EBAG9: variants seen among roughly 807,000 people sequenced by gnomAD.
EBAG9 encodes the protein receptor-binding cancer antigen expressed on SiSo cells.
EBAG9 carries 16 observed loss-of-function variants against 30.9 expected under a neutral mutation model. The observed-to-expected ratio is 0.52, with a 90% CI of 0.35 to 0.79. The LOEUF (loss-of-function observed/expected upper bound fraction) is 0.79, where lower values mean the gene tolerates loss of function less well. Ranked by LOEUF, EBAG9 falls within the 30% of genes least tolerant of loss-of-function variation. EBAG9 has a pLI of 0.01. For missense variants in EBAG9, 197 were observed against 242.1 expected, an observed-to-expected ratio of 0.81 and a Z score of 1.24; for synonymous variants, 93 against 82.8, an observed-to-expected ratio of 1.12 and a Z score of -0.67.
intron 6 of EBAG9, chr8:109,563,577 CTTTTT>C: frequency 4.4e-6 from 6 of 1,349,602 alleles, no homozygotes; most frequent in Non-Finnish European, 5.8e-6. Context: ...ACCTACCACT[CTTTTT>C]TTTTTTTTTT....
chr8:109,541,450 A>G (rs1821274686), intron 1 of EBAG9, among the ~76,000 whole-genome samples: 1 of 152,186 alleles, frequency 6.6e-6, no homozygotes, highest in Non-Finnish European at 1.5e-5. Context: ...AACCTCATCT[A>G]TTAAACGGGA....
At chr8:109,544,139 T>C (rs1223320200) in intron 1 of EBAG9, among the ~76,000 whole-genome samples, 1 of 152,140 alleles carries the variant, frequency 6.6e-6, no homozygotes, top group East Asian at 1.9e-4. Flanking sequence ...CTTATGCTCA[T>C]GTAAGGTAAT....
At chr8:109,547,278 G>T (rs1481411304) in intron 1 of EBAG9, among the ~76,000 whole-genome samples, 1 of 152,144 alleles carries the variant, frequency 6.6e-6, no homozygotes. Flanking sequence ...TTTTCAAAGT[G>T]GTTGTACATT....
chr8:109,542,292 A>G (rs1028631091), intron 1 of EBAG9, among the ~76,000 whole-genome samples: 1 of 148,910 alleles, frequency 6.7e-6, no homozygotes, highest in African/African-American at 2.5e-5. Flanking sequence ...TTTTATTGGG[A>G]AAAAAAAAAC....
At chr8:109,561,061 T>G in intron 6 of EBAG9, 132 bp downstream of exon 6, 1 of 445,982 alleles carries the variant, frequency 2.2e-6, no homozygotes, top group Admixed American at 4.4e-5. Context: ...TAATAAGGAC[T>G]TTTTTTTTTG....
intron 4 of EBAG9, 140 bp downstream of exon 4, chr8:109,555,027 A>G (rs1328554132): frequency 1.4e-5 from 12 of 838,042 alleles, no homozygotes; most frequent in African/African-American, 3.5e-5. Flanking sequence ...GTACATGTGC[A>G]CAACATGCAG....
intron 6 of EBAG9, 60 bp from the exon 7 acceptor site, chr8:109,564,379 A>G: frequency 6.3e-7 from 1 of 1,581,194 alleles, no homozygotes; most frequent in Non-Finnish European, 8.6e-7. Context: ...TCTTTCTAGA[A>G]TTTATTTGCC....
intron 3 of EBAG9, among the ~76,000 whole-genome samples, 161 bp downstream of exon 3, chr8:109,554,104 A>G (rs954997095): frequency 1.3e-5 from 2 of 152,094 alleles, no homozygotes; most frequent in Non-Finnish European, 2.9e-5. Flanking sequence ...TTGGTTCTAC[A>G]TTTTATCTTC....
chr8:109,550,731 C>A, intron 1 of EBAG9, 79 bp from the exon 2 acceptor site: 1 of 769,904 alleles, frequency 1.3e-6, no homozygotes, highest in Non-Finnish European at 2.3e-6. Flanking sequence ...TTTCTTAGTG[C>A]ATAATAGGTC....
intron 5 of EBAG9, among the ~76,000 whole-genome samples, chr8:109,559,629 T>C (rs184776589): frequency 1.3e-5 from 2 of 152,010 alleles, no homozygotes; most frequent in South Asian, 2.1e-4. Flanking sequence ...CTGAGCAACA[T>C]AGCTAGACCT....
intron 1 of EBAG9, among the ~76,000 whole-genome samples, chr8:109,548,367 TAC>T (rs1230663454): frequency 6.6e-6 from 1 of 152,174 alleles, no homozygotes; most frequent in African/African-American, 2.4e-5. Flanking sequence ...ATTCCAATAC[TAC>T]ACAGTTTTGA....
chr8:109,553,773 G>A, intron 2 of EBAG9, 92 bp from the exon 3 acceptor site: 1 of 922,994 alleles, frequency 1.1e-6, no homozygotes, highest in Non-Finnish European at 1.6e-6. Flanking sequence ...GAAAGATCTT[G>A]TTTTATAAGC....
At chr8:109,553,807 G>A (rs1821541030) in intron 2 of EBAG9, 58 bp from the exon 3 acceptor site, 1 of 1,363,540 alleles carries the variant, frequency 7.3e-7, no homozygotes, top group Non-Finnish European at 1.0e-6. Flanking sequence ...ACATAATAGT[G>A]CTTTTACTTT....
intron 1 of EBAG9, among the ~76,000 whole-genome samples, chr8:109,543,848 T>G (rs1467611113): frequency 6.6e-6 from 1 of 151,978 alleles, no homozygotes. Context: ...CTAGCCAACA[T>G]GGCGAAACCC....
Position 109,564,529 on chromosome 8 carries a change from A to G in EBAG9, c.612A>G (p.Glu204=). 1 of 1,612,718 alleles carries G rather than the reference A, an allele frequency of 6.2e-7. No homozygotes were observed. The highest frequency in any genetic ancestry group is 8.5e-7 in the Non-Finnish European group (1 of 1,178,960). ...AAGCACAACGGCTAATGAAGAAGGA[A>G]CAAAACAAAATTGGTGTGAAACTTT... ...EKEAQRLMKK[E]QNKIGVKLS The change falls in exon 7 of 7, where the codon GAA becomes GAG. Residue 204 remains glutamate (E), a synonymous_variant. Coordinates refer to ENST00000337573, the MANE Select transcript of EBAG9 (RefSeq NM_004215.5).
chr8:109,555,238 G>GT (rs1302469117), intron 4 of EBAG9, among the ~76,000 whole-genome samples: 1 of 151,894 alleles, frequency 6.6e-6, no homozygotes, highest in Non-Finnish European at 1.5e-5. Context: ...GCAGTGTTTG[G>GT]TTTTTTGTCC....
chr8:109,548,768 A>T (rs1821434127), intron 1 of EBAG9, among the ~76,000 whole-genome samples: 1 of 151,904 alleles, frequency 6.6e-6, no homozygotes, highest in African/African-American at 2.4e-5. Context: ...ATTGTTGTTA[A>T]CGTATAGAAA....
rs547535620 is a variant in EBAG9, at chr8:109,547,550, G to A, written c.-15-3260G>A. ...GGCTGGAGTGCAGTGGCGTGATCTC[G>A]GCTTACTTCAAGCTCTGCCTTTCAG... On this transcript the variant is annotated intron_variant, in intron 1 of 6. Transcript: ENST00000337573. Among the ~76,000 whole-genome samples, 151 of 150,736 alleles carry A rather than the reference G, an allele frequency of 1.0e-3. 1 individual carries two copies. Among genetic ancestry groups the A allele is most frequent in the African/African-American group, 3.4e-3 (138 of 40,930 alleles).
intron 6 of EBAG9, chr8:109,563,634 T>A (rs1821752784): frequency 3.1e-6 from 4 of 1,285,066 alleles, no homozygotes; most frequent in East Asian, 5.0e-5. Flanking sequence ...TGTGCAGGTT[T>A]GTTACACAGG....
Sources: allele counts gnomAD v4.1 joint callset (sites outside exome capture counted in the v4.1 genomes callset), GRCh38; gene constraint gnomAD v4.1.1; transcripts MANE v1.5; gene names NCBI Gene and HGNC (gene_info 2026-07-23, HGNC 2026-07-21).